Variants in MIGA1 observed in about 807,000 individuals in gnomAD.
MIGA1 encodes mitoguardin 1, also known as family with sequence similarity 73, member A.
In MIGA1, 58 loss-of-function variants were observed where a neutral mutation model predicts 82.0. The observed-to-expected ratio is 0.71, with a 90% CI of 0.57 to 0.88. The LOEUF is 0.88. Among genes scored for constraint, MIGA1 ranks in the 40% least tolerant of loss-of-function variants. MIGA1 has a pLI of 0.00. For missense variants in MIGA1, 751 were observed against 749.1 expected, an observed-to-expected ratio of 1.00 and a Z score of -0.03; for synonymous variants, 249 against 253.6, an observed-to-expected ratio of 0.98 and a Z score of 0.17.
intron 5 of MIGA1, among the ~76,000 whole-genome samples, chr1:77,813,477 C>T (rs1385234427): frequency 1.3e-5 from 2 of 152,144 alleles, no homozygotes; most frequent in Non-Finnish European, 2.9e-5. Flanking sequence ...AAATTCTGAG[C>T]ACCATATACA....
chr1:77,865,436 T>TA (rs1358747433), intron 13 of MIGA1, among the ~76,000 whole-genome samples: 2 of 151,954 alleles, frequency 1.3e-5, no homozygotes, highest in Non-Finnish European at 2.9e-5. Flanking sequence ...ATAAAAAAAA[T>TA]ACAAAAATTT....
At chr1:77,793,783 CTTTTTTTTTTTTT>C (rs1175821307) in intron 2 of MIGA1, among the ~76,000 whole-genome samples, 2 of 114,154 alleles carry the variant, frequency 1.8e-5, no homozygotes, top group African/African-American at 3.5e-5. Context: ...AAAATTTTAT[CTTTTTTTTTTTTT>C]TTTTTTTTGA....
intron 8 of MIGA1, chr1:77,848,743 T>C (rs1684935618): frequency 6.8e-7 from 1 of 1,466,374 alleles, no homozygotes; most frequent in Admixed American, 1.8e-5. Flanking sequence ...AGACAGGTAC[T>C]TGGCCAGGCA....
At chr1:77,869,825 C>A (rs1280568663) in intron 14 of MIGA1, among the ~76,000 whole-genome samples, 1 of 109,358 alleles carries the variant, frequency 9.1e-6, no homozygotes, top group Non-Finnish European at 1.9e-5. Flanking sequence ...GGCAGAGGCG[C>A]CCCTCACCTC....
chr1:77,844,473 A>G (rs1239587202), intron 8 of MIGA1, among the ~76,000 whole-genome samples: 1 of 152,198 alleles, frequency 6.6e-6, no homozygotes, highest in African/African-American at 2.4e-5. Flanking sequence ...TGATTACTGA[A>G]TTATAAATCT....
chr1:77,864,613 T>G (rs1345209255), intron 13 of MIGA1, among the ~76,000 whole-genome samples: 3 of 151,992 alleles, frequency 2.0e-5, no homozygotes, highest in African/African-American at 7.3e-5. Flanking sequence ...GAGGCAGAGG[T>G]TGCAGTAAGC....
At chr1:77,844,135 T>C (rs770276371) in intron 8 of MIGA1, among the ~76,000 whole-genome samples, 1 of 112,536 alleles carries the variant, frequency 8.9e-6, no homozygotes, top group Non-Finnish European at 1.7e-5. Flanking sequence ...TATATATATA[T>C]ATAGATAGAT....
chr1:77,856,142 T>C (rs1385529721), intron 8 of MIGA1, among the ~76,000 whole-genome samples: 2 of 152,230 alleles, frequency 1.3e-5, no homozygotes, highest in African/African-American at 4.8e-5. Context: ...CTGCATCTAT[T>C]GAGGTGATCG....
intron 7 of MIGA1, among the ~76,000 whole-genome samples, chr1:77,815,829 A>G (rs1193083747): frequency 2.0e-5 from 3 of 152,210 alleles, no homozygotes; most frequent in Non-Finnish European, 2.9e-5. Flanking sequence ...TATTGGGCTC[A>G]AGTGATCCAC....
chr1:77,802,669 C>T (rs1682932222), intron 3 of MIGA1, among the ~76,000 whole-genome samples: 1 of 151,894 alleles, frequency 6.6e-6, no homozygotes, highest in African/African-American at 2.4e-5. Context: ...CTAGTCCCAG[C>T]TACTCGGGAG....
rs771394461 is a variant in MIGA1 at position 77,843,406 on chromosome 1, A to G, written c.995A>G (p.Glu332Gly). 2 of 1,612,520 alleles carry G rather than the reference A, an allele frequency of 1.2e-6. No individual in the cohort carries two copies. The highest frequency in any genetic ancestry group is 1.3e-5 in the African/African-American group (1 of 74,914). The change falls in exon 8 of 16, where the codon GAG (glutamate) becomes GGG (glycine). Residue 332 changes from glutamate (E) to glycine (G), a missense_variant and splice_region_variant. Around this residue, in one of 3 missense-constraint regions of MIGA1, gnomAD observed 482 missense variants for 439.4 expected, o/e 1.10. Coordinates refer to ENST00000370791, the MANE Select transcript of MIGA1 (RefSeq NM_198549.4). ...ACGGATTCCTTTGCTTCCGCAGCAG[A>G]GGTAGGACATATGTGTTCCTAATGA...
At chr1:77,800,804 C>G (rs182758675) in intron 2 of MIGA1, among the ~76,000 whole-genome samples, 1 of 152,118 alleles carries the variant, frequency 6.6e-6, no homozygotes, top group Non-Finnish European at 1.5e-5. Flanking sequence ...ATTATGTGCT[C>G]ATAGAATAGA....
intron 5 of MIGA1, among the ~76,000 whole-genome samples, chr1:77,809,400 G>T (rs982586637): frequency 6.6e-6 from 1 of 152,226 alleles, no homozygotes; most frequent in Non-Finnish European, 1.5e-5. Flanking sequence ...TTCTTGAGGA[G>T]ACAGGTTTTA....
At position 77,804,673 on chromosome 1, in the gene MIGA1, C is replaced by T. The variant is rs142331991; in HGVS notation, c.510+1267C>T. On this transcript the variant is annotated intron_variant, in intron 4 of 15. Transcript: ENST00000370791. ...TCTTGCTCTGTTGCCCAGGCTGGAG[C>T]GCAGTGGCGCGATGAGCTGGAACTC... is the stretch of plus-strand genomic sequence containing the variant. 9.6e-4 allele frequency among the ~76,000 whole-genome samples: 144 copies of T among 149,680 alleles called. 2 individuals carry two copies. The Middle Eastern group carries it at 0.015, about 16-fold the overall frequency.
At chr1:77,858,821 T>G (rs765776540) in intron 8 of MIGA1, 117 bp from the exon 9 acceptor site, 1 of 628,034 alleles carries the variant, frequency 1.6e-6, no homozygotes, top group African/African-American at 1.8e-5. Flanking sequence ...GGTCTTACCA[T>G]GTTACCCAGG....
At chr1:77,802,103 T>G (rs1442789953) in intron 3 of MIGA1, among the ~76,000 whole-genome samples, 1 of 152,200 alleles carries the variant, frequency 6.6e-6, no homozygotes, top group South Asian at 2.1e-4. Context: ...GGTAAAGATA[T>G]CGTATGAATA....
intron 9 of MIGA1, 118 bp downstream of exon 9, chr1:77,859,174 T>A (rs1016871877): frequency 2.0e-6 from 2 of 1,003,308 alleles, no homozygotes; most frequent in Admixed American, 4.1e-5. Context: ...AAAGAAAAAA[T>A]TATTTTTACA....
intron 7 of MIGA1, among the ~76,000 whole-genome samples, chr1:77,829,770 C>T (rs565343466): frequency 3.3e-5 from 5 of 152,120 alleles, no homozygotes; most frequent in East Asian, 1.9e-4. Flanking sequence ...TGCGCCCGGC[C>T]GTAGAAGTTT....
At chr1:77,813,585 A>G in intron 5 of MIGA1, 149 bp from the exon 6 acceptor site, 5 of 852,294 alleles carry the variant, frequency 5.9e-6, no homozygotes, top group Non-Finnish European at 8.7e-6. Context: ...TTGGGAAACT[A>G]AGATTCTGTC....
Sources: allele counts gnomAD v4.1 joint callset (sites outside exome capture counted in the v4.1 genomes callset), GRCh38; gene constraint gnomAD v4.1.1; regional missense constraint gnomAD v4.1.1; transcripts MANE v1.5; gene names NCBI Gene and HGNC (gene_info 2026-07-23, HGNC 2026-07-21).